ROBO1: variants seen among roughly 807,000 people sequenced by gnomAD.
ROBO1 encodes roundabout guidance receptor 1, also known as roundabout homolog 1.
ROBO1 carries 149 observed loss-of-function variants against 195.9 expected under a neutral mutation model. The ratio of observed to expected loss-of-function variants is 0.76; its 90% confidence interval spans 0.67 to 0.87. ROBO1 has a LOEUF of 0.87. ROBO1 is among the 40% of genes least tolerant of loss of function. The pLI is 0.00. For missense variants in ROBO1, 1,933 were observed against 2,068.3 expected (o/e 0.93, Z 1.27); for synonymous variants, 816 against 733.2 (o/e 1.11, Z -1.82).
At chr3:79,183,269 A>C (rs1482891151) in intron 2 of ROBO1, among the ~76,000 whole-genome samples, 1 of 152,146 alleles carries the variant, frequency 6.6e-6, no homozygotes, top group African/African-American at 2.4e-5. Flanking sequence ...AAATGGGGTA[A>C]AATAGAATGG....
intron 2 of ROBO1, among the ~76,000 whole-genome samples, chr3:79,180,499 A>G (rs1457894646): frequency 2.6e-5 from 4 of 152,106 alleles, no homozygotes; most frequent in African/African-American, 2.4e-5. Flanking sequence ...CCAACTGCCA[A>G]TCGAGGTGAT....
intron 4 of ROBO1, among the ~76,000 whole-genome samples, chr3:78,878,498 T>G (rs1216240476): frequency 7.0e-6 from 1 of 143,806 alleles, no homozygotes; most frequent in Non-Finnish European, 1.5e-5. Context: ...GGCAGGAGAA[T>G]CGCTTGAACT....
At chr3:78,852,577 C>A (rs2034134946) in intron 4 of ROBO1, among the ~76,000 whole-genome samples, 1 of 152,100 alleles carries the variant, frequency 6.6e-6, no homozygotes, top group Admixed American at 6.6e-5. Context: ...AGTGTTTAAT[C>A]CTTTGTCCTC....
At chr3:78,863,219 G>A (rs928990104) in intron 4 of ROBO1, among the ~76,000 whole-genome samples, 11 of 152,092 alleles carry the variant, frequency 7.2e-5, no homozygotes, top group Admixed American at 6.5e-5. Context: ...GTTCACTAAC[G>A]TGCCCTGTGT....
chr3:79,704,485 T>G (rs1018615527), intron 1 of ROBO1, among the ~76,000 whole-genome samples: 1 of 152,038 alleles, frequency 6.6e-6, no homozygotes, highest in Non-Finnish European at 1.5e-5. Context: ...AATATGCATT[T>G]AAGTTTCCCT....
chr3:79,690,364 A>G (rs1259357592), intron 1 of ROBO1, among the ~76,000 whole-genome samples: 1 of 152,010 alleles, frequency 6.6e-6, no homozygotes, highest in Non-Finnish European at 1.5e-5. Flanking sequence ...AGAGGACAAG[A>G]GAACAGGCAG....
chr3:78,652,877 T>G (rs2107625681), intron 18 of ROBO1, among the ~76,000 whole-genome samples: 1 of 152,204 alleles, frequency 6.6e-6, no homozygotes, highest in East Asian at 1.9e-4. Context: ...CCTGCAAAGT[T>G]GCTGTAGAGA....
At chr3:78,786,978 A>C (rs2083855116) in intron 4 of ROBO1, among the ~76,000 whole-genome samples, 1 of 152,132 alleles carries the variant, frequency 6.6e-6, no homozygotes. Context: ...GTTGTATGCA[A>C]CTCCAGGGCT....
intron 1 of ROBO1, among the ~76,000 whole-genome samples, chr3:79,597,480 A>C (rs538112099): frequency 2.0e-5 from 3 of 152,190 alleles, no homozygotes; most frequent in Non-Finnish European, 2.9e-5. Flanking sequence ...TTAAATCTGA[A>C]TTAATTAAAA....
chr3:79,302,803 T>C (rs901697225), intron 2 of ROBO1, among the ~76,000 whole-genome samples: 1 of 151,930 alleles, frequency 6.6e-6, no homozygotes, highest in African/African-American at 2.4e-5. Context: ...ATTGACATCA[T>C]ATTAAAAAAA....
chr3:79,138,561 C>T (rs142216497), intron 2 of ROBO1, among the ~76,000 whole-genome samples: 1 of 151,868 alleles, frequency 6.6e-6, no homozygotes, highest in Admixed American at 6.6e-5. Flanking sequence ...TTTTTCTCCC[C>T]TGTAAGTGTT....
chr3:79,336,477 C>T (rs1034598893), intron 2 of ROBO1, among the ~76,000 whole-genome samples: 8 of 152,224 alleles, frequency 5.3e-5, no homozygotes, highest in Non-Finnish European at 7.3e-5. Flanking sequence ...GCAGCTTACA[C>T]GTGGTGTTGG....
At chr3:78,863,108 G>A (rs986283213) in intron 4 of ROBO1, among the ~76,000 whole-genome samples, 15 of 152,124 alleles carry the variant, frequency 9.9e-5, no homozygotes, top group African/African-American at 3.1e-4. Context: ...CTCTGAACCA[G>A]GCAATGTTCT....
chr3:79,666,687 C>T (rs565787943), intron 1 of ROBO1, among the ~76,000 whole-genome samples: 3 of 151,914 alleles, frequency 2.0e-5, no homozygotes, highest in South Asian at 4.1e-4. Flanking sequence ...GATTGTGAGG[C>T]CTCCCCAGCC....
chr3:79,107,008 T>C (rs2079793803), intron 3 of ROBO1, among the ~76,000 whole-genome samples: 1 of 151,624 alleles, frequency 6.6e-6, no homozygotes, highest in Admixed American at 6.6e-5. Context: ...ATATCATTTA[T>C]AAGGTAAAAT....
intron 4 of ROBO1, among the ~76,000 whole-genome samples, chr3:78,809,081 T>A (rs2084644075): frequency 6.6e-6 from 1 of 151,552 alleles, no homozygotes; most frequent in East Asian, 1.9e-4. Context: ...TGGGAGAAAA[T>A]TTTTGCAATC....
chr3:79,191,741 T>G (rs1167639956), intron 2 of ROBO1, among the ~76,000 whole-genome samples: 2 of 151,576 alleles, frequency 1.3e-5, no homozygotes, highest in Admixed American at 6.6e-5. Context: ...TGTATTATGC[T>G]TTAATTAATG....
chr3:79,141,394 T>C (rs2080521993), intron 2 of ROBO1, among the ~76,000 whole-genome samples: 1 of 152,184 alleles, frequency 6.6e-6, no homozygotes, highest in Non-Finnish European at 1.5e-5. Flanking sequence ...CTCTTCATTC[T>C]AATTGTGCTT....
At chr3:79,318,630 C>G (rs1350135141) in intron 2 of ROBO1, among the ~76,000 whole-genome samples, 1 of 152,140 alleles carries the variant, frequency 6.6e-6, no homozygotes, top group East Asian at 1.9e-4. Context: ...TCTGACACAC[C>G]AGTGAATGTT....
Sources: gnomAD v4.1 joint callset for allele counts (sites outside exome capture counted in the v4.1 genomes callset) on GRCh38, gnomAD v4.1.1 for gene constraint, MANE v1.5 for transcripts, NCBI Gene and HGNC (gene_info 2026-07-23, HGNC 2026-07-21) for gene names.